GRIA2: variants seen among roughly 807,000 people sequenced by gnomAD.
The protein encoded by GRIA2 is glutamate receptor 2.
In GRIA2, 14 loss-of-function variants were observed where a neutral mutation model predicts 97.3. The observed-to-expected ratio is 0.14, with a 90% confidence interval of 0.10 to 0.23. The LOEUF (loss-of-function observed/expected upper bound fraction) is 0.23. Among genes scored for constraint, GRIA2 ranks in the 10% least tolerant of loss-of-function variants. GRIA2 has a pLI of 1.00. For synonymous variants in GRIA2, 412 were observed against 387.8 expected, an observed-to-expected ratio of 1.06 and a Z score of -0.73; for missense variants, 558 against 1,069.8, an observed-to-expected ratio of 0.52 and a Z score of 6.67.
At chr4:157,335,390 C>T (rs988949688) in intron 9 of GRIA2, 1 of 412,776 alleles carries the variant, frequency 2.4e-6, no homozygotes, top group Non-Finnish European at 4.5e-6. Flanking sequence ...CAGTGACAAA[C>T]ATGGCTAGAG....
At chr4:157,266,814 C>G (rs1263363813) in intron 2 of GRIA2, among the ~76,000 whole-genome samples, 1 of 152,024 alleles carries the variant, frequency 6.6e-6, no homozygotes, top group East Asian at 1.9e-4. Flanking sequence ...TGCCTGTAAT[C>G]CCAGAACTTT....
At chr4:157,321,128 CCT>C (rs978901470) in intron 5 of GRIA2, among the ~76,000 whole-genome samples, 6 of 152,068 alleles carry the variant, frequency 3.9e-5, no homozygotes, top group Non-Finnish European at 8.8e-5. Flanking sequence ...GTAAGTAAAA[CCT>C]AGTCCTTATC....
At chr4:157,319,972 A>T (rs564657144) in intron 5 of GRIA2, among the ~76,000 whole-genome samples, 1 of 152,266 alleles carries the variant, frequency 6.6e-6, no homozygotes, top group South Asian at 2.1e-4. Flanking sequence ...TTCCATAATG[A>T]ATTCCAGCAT....
intron 2 of GRIA2, among the ~76,000 whole-genome samples, chr4:157,300,744 A>G (rs548868772): frequency 9.2e-5 from 14 of 152,242 alleles, no homozygotes; most frequent in South Asian, 2.1e-4. Context: ...GCTGAAGTGC[A>G]TGGGGAAAAA....
chr4:157,265,225 T>C (rs1366693844), intron 2 of GRIA2, among the ~76,000 whole-genome samples: 3 of 152,166 alleles, frequency 2.0e-5, no homozygotes, highest in African/African-American at 7.2e-5. Flanking sequence ...AAGCAAAACA[T>C]AGTTTCTATC....
chr4:157,222,761 G>A (rs969425546), intron 2 of GRIA2, among the ~76,000 whole-genome samples: 1 of 152,216 alleles, frequency 6.6e-6, no homozygotes. Flanking sequence ...AGTGCTCCGG[G>A]ACTCGCTGGG....
intron 2 of GRIA2, among the ~76,000 whole-genome samples, chr4:157,299,825 A>G (rs1236518864): frequency 6.6e-6 from 1 of 152,206 alleles, no homozygotes; most frequent in Non-Finnish European, 1.5e-5. Context: ...CAGTGAGAGC[A>G]TCTTTACTTA....
At chr4:157,277,191 A>G (rs969162726) in intron 2 of GRIA2, among the ~76,000 whole-genome samples, 1 of 151,930 alleles carries the variant, frequency 6.6e-6, no homozygotes, top group Non-Finnish European at 1.5e-5. Flanking sequence ...ATTACACACC[A>G]CAGCTGTGAG....
chr4:157,250,034 C>G (rs1037653671), intron 2 of GRIA2, among the ~76,000 whole-genome samples: 3 of 152,122 alleles, frequency 2.0e-5, no homozygotes. Context: ...ATTATGCAGG[C>G]ATTCCTTAAA....
At chr4:157,280,792 G>A (rs780680133) in intron 2 of GRIA2, among the ~76,000 whole-genome samples, 1 of 151,932 alleles carries the variant, frequency 6.6e-6, no homozygotes, top group Non-Finnish European at 1.5e-5. Context: ...TCACACAGTC[G>A]TAACTTGAAT....
At chr4:157,330,067 A>AG (rs1560769015) in intron 6 of GRIA2, among the ~76,000 whole-genome samples, 1 of 151,932 alleles carries the variant, frequency 6.6e-6, no homozygotes, top group Non-Finnish European at 1.5e-5. Context: ...TGTCTACCTC[A>AG]GGCTTGTCAC....
chr4:157,259,454 C>T (rs1731428258), intron 2 of GRIA2, among the ~76,000 whole-genome samples: 1 of 152,026 alleles, frequency 6.6e-6, no homozygotes, highest in Admixed American at 6.6e-5. Flanking sequence ...TCATGCTATC[C>T]AGGCAATTCA....
chr4:157,323,762 G>A (rs973608213), intron 6 of GRIA2, among the ~76,000 whole-genome samples: 40 of 152,104 alleles, frequency 2.6e-4, no homozygotes, highest in African/African-American at 8.7e-4. Flanking sequence ...GAGATGTTTG[G>A]CAATGCATTC....
In GRIA2 at chr4:157,337,284, C is replaced by A. The variant is rs141708073; in HGVS notation, c.1844+537C>A. On this transcript the variant is annotated intron_variant, in intron 11 of 15. Transcript: ENST00000264426. ...ATATAATAGCATATTTTCAACTACC[C>A]ACAAATGCCTGGAAGGGACTAATCA... 7.8e-3 allele frequency among the ~76,000 whole-genome samples: 1,178 copies of A among 151,944 alleles called. 18 individuals are homozygous for A. Among genetic ancestry groups the A allele is most frequent in the South Asian group, 0.064 (308 of 4,802 alleles).
intron 12 of GRIA2, among the ~76,000 whole-genome samples, chr4:157,349,915 G>A (rs900329929): frequency 1.3e-5 from 2 of 151,940 alleles, no homozygotes; most frequent in Non-Finnish European, 2.9e-5. Context: ...TCTAATGTCC[G>A]TATCATCTGC....
chr4:157,351,395 G>A (rs551114380), intron 12 of GRIA2, among the ~76,000 whole-genome samples: 28 of 152,204 alleles, frequency 1.8e-4, no homozygotes, highest in Non-Finnish European at 3.1e-4. Flanking sequence ...AGTTCACATT[G>A]TATGCATATA....
chr4:157,239,075 A>G (rs1417500305), intron 2 of GRIA2, among the ~76,000 whole-genome samples: 1 of 152,110 alleles, frequency 6.6e-6, no homozygotes, highest in Non-Finnish European at 1.5e-5. Context: ...ATGGGACTAG[A>G]GAGTTGCACA....
chr4:157,344,834 A>G (rs1212237029), intron 12 of GRIA2, among the ~76,000 whole-genome samples: 1 of 152,130 alleles, frequency 6.6e-6, no homozygotes, highest in African/African-American at 2.4e-5. Context: ...CATTTCAAAT[A>G]ATAACTAACT....
rs150948328 is a variant in GRIA2, at chr4:157,321,652, G to A, written c.882+53G>A. On this transcript the variant is annotated intron_variant, in intron 6 of 15. Coordinates refer to ENST00000264426, the MANE Select transcript of GRIA2 (RefSeq NM_001083619.3). Reference sequence around the variant, plus strand: ...TTCTTTCATATGTGAGGAGAGAGAAGAGTCTTGGCAAATAAGGAGGAAGGA... The same window carrying A: ...TTCTTTCATATGTGAGGAGAGAGAAAAGTCTTGGCAAATAAGGAGGAAGGA... The A allele has an allele frequency of 7.9e-5, 102 of 1,292,672 alleles. 1 individual carries two copies. In the East Asian group the frequency reaches 2.3e-3, roughly 29 times the overall value. 80.1% of individuals were successfully genotyped at this position (1,292,672 alleles called of 1,614,324 possible). A position where few individuals can be genotyped will look rare whatever the true frequency, so the allele number is the denominator to read the frequency against.
Sources: allele counts gnomAD v4.1 joint callset (sites outside exome capture counted in the v4.1 genomes callset), GRCh38; gene constraint gnomAD v4.1.1; transcripts MANE v1.5; gene names NCBI Gene and HGNC (gene_info 2026-07-23, HGNC 2026-07-21).